The following SUPT3H variants were observed in gnomAD, a reference collection of about 807,000 sequenced individuals.
The protein encoded by SUPT3H is transcription initiation protein SPT3 homolog.
SUPT3H carries 44 observed loss-of-function variants against 44.3 expected under a neutral mutation model. The ratio of observed to expected loss-of-function variants is 0.99; its 90% CI spans 0.78 to 1.28. The LOEUF is 1.28. Ranked by LOEUF, SUPT3H falls within the 50% of genes most tolerant of loss-of-function variation. The probability of loss-of-function intolerance (pLI) is 0.00; values close to 1 mark genes in which losing one functional copy is unlikely to be tolerated. For synonymous variants in SUPT3H, 124 were observed against 125.6 expected (o/e 0.99, Z 0.09); for missense variants, 380 against 387.1 (o/e 0.98, Z 0.15).
chr6:44,974,200 C>T (rs1038260949), intron 6 of SUPT3H, among the ~76,000 whole-genome samples: 10 of 151,904 alleles, frequency 6.6e-5, no homozygotes, highest in Middle Eastern at 6.8e-3. Context: ...TGTATGTGAA[C>T]ATTTGAAAAT....
intron 2 of SUPT3H, among the ~76,000 whole-genome samples, chr6:45,218,045 G>C (rs1414180925): frequency 6.6e-6 from 1 of 152,038 alleles, no homozygotes; most frequent in East Asian, 1.9e-4. Context: ...TGGAAGAAAA[G>C]CTGTAACATA....
intron 3 of SUPT3H, among the ~76,000 whole-genome samples, chr6:45,054,428 T>G (rs1388899143): frequency 6.6e-6 from 1 of 152,230 alleles, no homozygotes; most frequent in East Asian, 1.9e-4. Context: ...CCAATCAGAC[T>G]TCTGCACAAA....
At chr6:44,901,730 C>T (rs1765096829) in intron 10 of SUPT3H, among the ~76,000 whole-genome samples, 1 of 151,282 alleles carries the variant, frequency 6.6e-6, no homozygotes, top group South Asian at 2.1e-4. Context: ...GTCAGATTCA[C>T]CAAAGTTGAA....
intron 9 of SUPT3H, among the ~76,000 whole-genome samples, chr6:44,940,609 T>C (rs986439560): frequency 6.6e-6 from 1 of 152,106 alleles, no homozygotes; most frequent in Non-Finnish European, 1.5e-5. Context: ...TCTCAACCAT[T>C]TGACTAATGC....
intron 10 of SUPT3H, among the ~76,000 whole-genome samples, chr6:44,843,940 C>T (rs549559710): frequency 1.4e-5 from 2 of 145,438 alleles, no homozygotes. Context: ...CACACACACA[C>T]ACACACACAC....
intron 10 of SUPT3H, among the ~76,000 whole-genome samples, chr6:44,846,458 T>C (rs1771886477): frequency 6.6e-6 from 1 of 152,016 alleles, no homozygotes; most frequent in Admixed American, 6.6e-5. Context: ...AGCCCTTCAA[T>C]AAAGCATGTG....
intron 2 of SUPT3H, among the ~76,000 whole-genome samples, chr6:45,188,444 A>G (rs955612619): frequency 8.5e-5 from 13 of 152,250 alleles, no homozygotes; most frequent in Non-Finnish European, 1.8e-4. Context: ...TGGAAAAGGC[A>G]TTAAATTTGT....
chr6:45,074,076 T>C (rs766109216), intron 3 of SUPT3H, among the ~76,000 whole-genome samples: 1 of 151,978 alleles, frequency 6.6e-6, no homozygotes, highest in Non-Finnish European at 1.5e-5. Context: ...GTTAACTCTA[T>C]ATGTAATTTT....
intron 2 of SUPT3H, among the ~76,000 whole-genome samples, chr6:45,315,139 A>C (rs1784496022): frequency 6.6e-6 from 1 of 152,174 alleles, no homozygotes; most frequent in South Asian, 2.1e-4. Context: ...AAATCAACTC[A>C]AGATGGATTA....
intron 2 of SUPT3H, among the ~76,000 whole-genome samples, chr6:45,183,307 G>C (rs1813604402): frequency 6.6e-6 from 1 of 152,112 alleles, no homozygotes; most frequent in African/African-American, 2.4e-5. Flanking sequence ...ACCAAAAGCT[G>C]GGGGGAGAGA....
intron 2 of SUPT3H, among the ~76,000 whole-genome samples, chr6:45,278,211 G>T (rs1465883131): frequency 6.6e-6 from 1 of 152,050 alleles, no homozygotes; most frequent in Non-Finnish European, 1.5e-5. Context: ...GTTGATGGGT[G>T]CAGCAAACCA....
At chr6:45,222,475 G>A (rs1766227965) in intron 2 of SUPT3H, among the ~76,000 whole-genome samples, 1 of 152,068 alleles carries the variant, frequency 6.6e-6, no homozygotes, top group African/African-American at 2.4e-5. Flanking sequence ...AAATGCAAAT[G>A]TAAACCACAG....
intron 2 of SUPT3H, among the ~76,000 whole-genome samples, chr6:45,147,484 G>C (rs1004165971): frequency 6.6e-6 from 1 of 152,024 alleles, no homozygotes; most frequent in Non-Finnish European, 1.5e-5. Context: ...AAAGAACTTA[G>C]ACTTCAGCGA....
intron 2 of SUPT3H, among the ~76,000 whole-genome samples, chr6:45,338,533 T>C (rs1284175794): frequency 1.3e-5 from 2 of 152,066 alleles, no homozygotes; most frequent in Non-Finnish European, 2.9e-5. Flanking sequence ...TAGCTGCCAG[T>C]AGGTAAAACA....
At chr6:45,212,089 C>T (rs1192466379) in intron 2 of SUPT3H, among the ~76,000 whole-genome samples, 2 of 151,962 alleles carry the variant, frequency 1.3e-5, no homozygotes, top group East Asian at 3.9e-4. Flanking sequence ...TTCCTTGAAC[C>T]CGGGAGGCAG....
At chr6:44,902,872 A>G (rs918928764) in intron 10 of SUPT3H, among the ~76,000 whole-genome samples, 10 of 152,232 alleles carry the variant, frequency 6.6e-5, no homozygotes, top group African/African-American at 2.4e-4. Context: ...CAGGATTAAG[A>G]AACTCACTCA....
intron 9 of SUPT3H, among the ~76,000 whole-genome samples, chr6:44,948,142 C>G (rs947859496): frequency 6.6e-6 from 1 of 152,174 alleles, no homozygotes; most frequent in Admixed American, 6.5e-5. Flanking sequence ...GGGCTCTGTT[C>G]TGTTCCATTG....
chr6:45,258,139 C>T (rs889059445), intron 2 of SUPT3H, among the ~76,000 whole-genome samples: 5 of 152,122 alleles, frequency 3.3e-5, no homozygotes, highest in Non-Finnish European at 7.4e-5. Context: ...ACGAATCAGA[C>T]AATTCTGATA....
Position 45,325,622 on chromosome 6 carries a change from AT to A in SUPT3H, c.101+39578del, listed in dbSNP as rs200935065. 8.9e-3 allele frequency among the ~76,000 whole-genome samples: 1,352 copies of A among 151,662 alleles called. 13 individuals carry two copies. The highest frequency in any genetic ancestry group is 0.024 in the South Asian group (116 of 4,810). The stretch of plus-strand genomic sequence containing the variant: ...CTAACATGTCCCCAGAGAGGATAAA[AT>A]TTTATGGGTCTTTAAAAAGCAAAAA... On this transcript the variant is annotated intron_variant, in intron 2 of 10. Transcript: ENST00000371459.
Sources: allele counts gnomAD v4.1 joint callset (sites outside exome capture counted in the v4.1 genomes callset), GRCh38; gene constraint gnomAD v4.1.1; transcripts MANE v1.5; gene names NCBI Gene and HGNC (gene_info 2026-07-23, HGNC 2026-07-21).